OR1F1: variants seen among roughly 807,000 people sequenced by gnomAD.
OR1F1 encodes the protein olfactory receptor family 1 subfamily F member 1.
For missense variants in OR1F1, 493 were observed against 376.3 expected (o/e 1.31, Z -2.57); for synonymous variants, 184 against 156.7 (o/e 1.17, Z -1.30).
chr16:3,194,911 C>A, the OR1F1 span, among the ~76,000 whole-genome samples: 2 of 152,226 alleles, frequency 1.3e-5, no homozygotes, highest in Non-Finnish European at 2.9e-5. Flanking sequence ...GCGTGAGCCA[C>A]CGCCCTTCTT....
At chr16:3,201,929 T>C (rs1039104167), upstream of OR1F1, among the ~76,000 whole-genome samples, 2 of 152,172 alleles carry the variant, frequency 1.3e-5, no homozygotes, top group Non-Finnish European at 2.9e-5. Context: ...GGTATAAATA[T>C]GGCTGCAAAA....
the OR1F1 span, among the ~76,000 whole-genome samples, chr16:3,190,283 A>T: frequency 6.6e-6 from 1 of 152,140 alleles, no homozygotes; most frequent in Non-Finnish European, 1.5e-5. Context: ...GTACGGACTG[A>T]ACCCTGGAAC....
chr16:3,193,460 G>T, the OR1F1 span, among the ~76,000 whole-genome samples: 6 of 152,226 alleles, frequency 3.9e-5, no homozygotes, highest in Non-Finnish European at 2.9e-5. Context: ...CTGGAGGATC[G>T]GAAACCACGC....
upstream of OR1F1, among the ~76,000 whole-genome samples, chr16:3,202,902 A>C (rs1168608243): frequency 6.6e-6 from 1 of 152,152 alleles, no homozygotes; most frequent in Non-Finnish European, 1.5e-5. Flanking sequence ...TTCTAAGGCT[A>C]TACAACTGGT....
At chr16:3,191,393 G>A in the OR1F1 span, 1 of 152,156 alleles carries the variant, frequency 6.6e-6, no homozygotes, top group Non-Finnish European at 1.5e-5. Context: ...CCTGTTGTAG[G>A]GGACCCCCAG....
the OR1F1 span, among the ~76,000 whole-genome samples, chr16:3,194,947 G>C: frequency 1.4e-4 from 21 of 152,302 alleles, 1 homozygote; most frequent in South Asian, 4.1e-3. Context: ...GTGACTCCTG[G>C]GCATGAAAGA....
the OR1F1 span, chr16:3,191,202 C>A: frequency 6.6e-6 from 1 of 152,266 alleles, no homozygotes; most frequent in East Asian, 1.9e-4. Context: ...CTTTTAGGTG[C>A]GTGCAGTGTG....
chr16:3,192,330 GGCGTGA>G, the OR1F1 span, among the ~76,000 whole-genome samples: 4 of 152,246 alleles, frequency 2.6e-5, no homozygotes, highest in African/African-American at 9.6e-5. Flanking sequence ...GGGGATGACA[GGCGTGA>G]GCCACTGCGC....
At chr16:3,191,814 T>C in the OR1F1 span, among the ~76,000 whole-genome samples, 2 of 151,742 alleles carry the variant, frequency 1.3e-5, no homozygotes, top group African/African-American at 2.4e-5. Context: ...AGGATGGGTG[T>C]GAGGGGTGCA....
At chr16:3,197,093 C>T in the OR1F1 span, among the ~76,000 whole-genome samples, 2 of 152,044 alleles carry the variant, frequency 1.3e-5, no homozygotes, top group Non-Finnish European at 2.9e-5. Context: ...CCAGGCTAGT[C>T]TCGAACTCCT....
chr16:3,192,078 A>T, the OR1F1 span, among the ~76,000 whole-genome samples: 1 of 151,970 alleles, frequency 6.6e-6, no homozygotes, highest in Non-Finnish European at 1.5e-5. Context: ...TATTTTTGAG[A>T]CAGAGTCTCG....
At chr16:3,205,223 T>G, downstream of OR1F1, 2 of 1,491,330 alleles carry the variant, frequency 1.3e-6, no homozygotes, top group Non-Finnish European at 1.8e-6. Flanking sequence ...CCAAGGAAAT[T>G]TATTTTTCAC....
At chr16:3,204,574 A>G in exon 1 of OR1F1, 1 of 1,614,172 alleles carries the variant, frequency 6.2e-7, no homozygotes, top group Non-Finnish European at 8.5e-7. Context: ...GTTCGTGGAC[A>G]TGGACAATTT....
upstream of OR1F1, among the ~76,000 whole-genome samples, chr16:3,201,769 G>A (rs561495804): frequency 7.2e-5 from 11 of 152,256 alleles, no homozygotes; most frequent in East Asian, 1.9e-4. Flanking sequence ...GAGATGGGGC[G>A]GAAGCAGCTT....
At chr16:3,202,940 G>T (rs1958152111), upstream of OR1F1, among the ~76,000 whole-genome samples, 1 of 151,966 alleles carries the variant, frequency 6.6e-6, no homozygotes, top group Non-Finnish European at 1.5e-5. Flanking sequence ...TTGAGTGCTG[G>T]TCTGTGAAAA....
chr16:3,203,521 C>A (rs926596872), upstream of OR1F1, among the ~76,000 whole-genome samples: 2 of 152,142 alleles, frequency 1.3e-5, no homozygotes, highest in Admixed American at 6.5e-5. Context: ...ATCCCAGCAC[C>A]TTGGGAGGCC....
At chr16:3,202,687 TAATAATAATAATA>T (rs1958148244), upstream of OR1F1, among the ~76,000 whole-genome samples, 1 of 148,096 alleles carries the variant, frequency 6.8e-6, no homozygotes, top group African/African-American at 2.5e-5. Context: ...ATAATAATAA[TAATAATAATAATA>T]ATAATAACAA....
chr16:3,201,400 T>C (rs762051963), upstream of OR1F1, among the ~76,000 whole-genome samples: 6 of 152,204 alleles, frequency 3.9e-5, no homozygotes, highest in Admixed American at 1.3e-4. Context: ...AACCCAACTG[T>C]TTTCCCCAGC....
downstream of OR1F1, among the ~76,000 whole-genome samples, chr16:3,206,297 C>T (rs1958208476): frequency 6.6e-6 from 1 of 152,178 alleles, no homozygotes; most frequent in Non-Finnish European, 1.5e-5. Flanking sequence ...AGATGTTTAT[C>T]AAGACAATAC....
Sources: allele counts gnomAD v4.1 joint callset (sites outside exome capture counted in the v4.1 genomes callset), GRCh38; gene constraint gnomAD v4.1.1; transcripts MANE v1.5; gene names NCBI Gene and HGNC (gene_info 2026-07-23, HGNC 2026-07-21).